RGPD1: variants seen among roughly 807,000 people sequenced by gnomAD.
RGPD1 encodes RANBP2-like and GRIP domain-containing protein 1.
A neutral mutation model predicts 40.6 loss-of-function variants in RGPD1; 7 were observed. The ratio of observed to expected loss-of-function variants is 0.17; its 90% CI spans 0.10 to 0.32. The LOEUF is 0.32. RGPD1 is among the 10% of genes least tolerant of loss of function. RGPD1 has a pLI of 1.00. For synonymous variants in RGPD1, 24 were observed against 167.0 expected (o/e 0.14, Z 6.60); for missense variants, 50 against 472.5 (o/e 0.11, Z 8.29).
At chr2:86,914,721 GGGC>G (rs1304942420) in intron 1 of RGPD1, among the ~76,000 whole-genome samples, 10 of 7,724 alleles carry the variant, frequency 1.3e-3, no homozygotes, top group South Asian at 7.9e-3. Context: ...CGACCTGGCC[GGGC>G]GGCGGCGGCG....
At chr2:87,007,608 G>T (rs1366244882) in intron 22 of RGPD1, among the ~76,000 whole-genome samples, 1 of 152,042 alleles carries the variant, frequency 6.6e-6, no homozygotes, top group African/African-American at 2.4e-5. Context: ...CAAACTTCTG[G>T]CCTCAGGTGA....
upstream of RGPD1, among the ~76,000 whole-genome samples, chr2:86,941,790 A>G (rs1679778789): frequency 6.7e-6 from 1 of 149,868 alleles, no homozygotes; most frequent in Non-Finnish European, 1.5e-5. Flanking sequence ...AGCTCACTGC[A>G]ACCCTCGCCT....
At chr2:86,926,933 G>C (rs1422035235) in intron 1 of RGPD1, among the ~76,000 whole-genome samples, 1 of 151,938 alleles carries the variant, frequency 6.6e-6, no homozygotes, top group African/African-American at 2.4e-5. Context: ...TCCTTGAGTA[G>C]TTTGGAACTG....
At chr2:86,943,378 C>T (rs573447689) in intron 1 of RGPD1, among the ~76,000 whole-genome samples, 92 of 148,020 alleles carry the variant, frequency 6.2e-4, no homozygotes, top group African/African-American at 2.2e-3. Flanking sequence ...AATTTTTAAC[C>T]TTTTCCACAA....
At chr2:86,929,398 GT>G (rs1484622497) in intron 1 of RGPD1, among the ~76,000 whole-genome samples, 1 of 151,954 alleles carries the variant, frequency 6.6e-6, no homozygotes, top group Non-Finnish European at 1.5e-5. Flanking sequence ...CCCTGCTTCA[GT>G]TTTTTAGATT....
Position 86,986,860 on chromosome 2 carries a change from G to GA in RGPD1, c.3962dup (p.Arg1322GlufsTer7), listed in dbSNP as rs1681481529. The GA allele has an allele frequency of 2.6e-6, 4 of 1,536,640 alleles. No individual in the cohort carries two copies. The highest frequency in any genetic ancestry group is 2.6e-6 in the Non-Finnish European group (3 of 1,146,518). ...AGAATCTGATGTTACTCAAGAAGAA[G>GA]AGAGAGATGGACAGTACTTTGAACC... is the stretch of plus-strand genomic sequence containing the variant. On this transcript the variant is annotated frameshift_variant, in exon 20 of 23. Transcript: ENST00000641458. LOFTEE classifies it high-confidence loss of function.
upstream of RGPD1, among the ~76,000 whole-genome samples, chr2:86,938,673 C>G (rs1679512300): frequency 6.7e-6 from 1 of 150,222 alleles, no homozygotes; most frequent in African/African-American, 2.5e-5. Context: ...CAGGACAGGC[C>G]TAGGCAAAAG....
chr2:86,998,619 C>G (rs1339978804), intron 22 of RGPD1, among the ~76,000 whole-genome samples: 1 of 47,894 alleles, frequency 2.1e-5, no homozygotes, highest in Non-Finnish European at 3.6e-5. Flanking sequence ...ACTGTGATGT[C>G]ATTAACTTCT....
At chr2:86,945,058 T>C (rs1573614674) in intron 1 of RGPD1, among the ~76,000 whole-genome samples, 1 of 149,716 alleles carries the variant, frequency 6.7e-6, no homozygotes, top group Middle Eastern at 3.5e-3. Flanking sequence ...AAAAAAAGCA[T>C]GTTTAGAGCC....
chr2:86,942,214 T>G lies in RGPD1; in HGVS notation c.-23T>G, dbSNP rs1002348357. 4 of 1,596,126 alleles carry G rather than the reference T, an allele frequency of 2.5e-6. No homozygotes were observed. The highest frequency in any genetic ancestry group is 3.4e-6 in the Non-Finnish European group (4 of 1,172,796). On this transcript the variant is annotated 5_prime_UTR_variant, in exon 1 of 23. Coordinates refer to ENST00000641458, the MANE Select transcript of RGPD1 (RefSeq NM_001382344.1). ...GGGCTGAGCGCTGGTTTCACGCGTC[T>G]CGGGAGCCAGGTTGGCGGTGCGATG...
chr2:86,942,077 G>A (rs1354670785), upstream of RGPD1, among the ~76,000 whole-genome samples: 2 of 151,464 alleles, frequency 1.3e-5, no homozygotes, highest in Non-Finnish European at 1.5e-5. Context: ...GAGCGCCGAC[G>A]TCGCCAAGGA....
upstream of RGPD1, among the ~76,000 whole-genome samples, chr2:86,941,967 C>T (rs1235201343): frequency 6.6e-6 from 1 of 151,978 alleles, no homozygotes; most frequent in Non-Finnish European, 1.5e-5. Flanking sequence ...CCGCCTCGGC[C>T]TCCCAAAGTG....
chr2:86,944,531 T>G (rs1345935294), intron 1 of RGPD1, among the ~76,000 whole-genome samples: 1 of 151,670 alleles, frequency 6.6e-6, no homozygotes, highest in African/African-American at 2.4e-5. Flanking sequence ...GTCTCCCGAG[T>G]AGTTGGGACC....
intron 1 of RGPD1, among the ~76,000 whole-genome samples, chr2:86,932,007 CAT>C (rs1225202479): frequency 2.7e-5 from 4 of 147,406 alleles, no homozygotes; most frequent in African/African-American, 4.9e-5. Flanking sequence ...ATGTCTATAA[CAT>C]ATAGACAGAG....
At chr2:86,945,815 TGTG>T (rs1303520419) in intron 1 of RGPD1, among the ~76,000 whole-genome samples, 7 of 144,576 alleles carry the variant, frequency 4.8e-5, no homozygotes, top group African/African-American at 1.8e-4. Flanking sequence ...AGGCAGAGGT[TGTG>T]GTGAGCAGAG....
At chr2:86,913,664 C>A, upstream of RGPD1, 11 of 1,237,952 alleles carry the variant, frequency 8.9e-6, 1 homozygote, top group Admixed American at 5.3e-5. Context: ...GCCAAGAGCC[C>A]GGCCGAGTGC....
chr2:86,945,721 T>C (rs1269578202), intron 1 of RGPD1, among the ~76,000 whole-genome samples: 5 of 150,672 alleles, frequency 3.3e-5, no homozygotes, highest in African/African-American at 1.2e-4. Context: ...CTATTAAAAA[T>C]ACAAAAATGA....
At chr2:86,928,617 A>G (rs768446476) in intron 1 of RGPD1, among the ~76,000 whole-genome samples, 10 of 152,364 alleles carry the variant, frequency 6.6e-5, no homozygotes, top group South Asian at 6.2e-4. Flanking sequence ...GTTAGAACCA[A>G]TAGGATTTAG....
chr2:86,924,794 T>A (rs1053609226), intron 1 of RGPD1, among the ~76,000 whole-genome samples: 8 of 151,838 alleles, frequency 5.3e-5, no homozygotes, highest in Admixed American at 3.9e-4. Flanking sequence ...TTCTTTTAAA[T>A]TAAAATTCAC....
Sources: allele counts gnomAD v4.1 joint callset (sites outside exome capture counted in the v4.1 genomes callset), GRCh38; gene constraint gnomAD v4.1.1; transcripts MANE v1.5; gene names NCBI Gene and HGNC (gene_info 2026-07-23, HGNC 2026-07-21).